The following CAMTA1 variants were observed in gnomAD, a reference collection of about 807,000 sequenced individuals.
The protein encoded by CAMTA1 is calmodulin binding transcription activator 1.
In CAMTA1, 27 loss-of-function variants were observed where a neutral mutation model predicts 170.9. The observed-to-expected ratio is 0.16, with a 90% CI of 0.12 to 0.22. The LOEUF is 0.22. CAMTA1 is among the 10% of genes least tolerant of loss of function. The probability of loss-of-function intolerance (pLI) is 1.00; values close to 1 mark genes in which losing one functional copy is unlikely to be tolerated. For missense variants in CAMTA1, 1,619 were observed against 2,217.2 expected (o/e 0.73, Z 5.42); for synonymous variants, 833 against 891.5 (o/e 0.93, Z 1.17).
At chr1:7,466,060 A>T (rs932790571) in intron 5 of CAMTA1, among the ~76,000 whole-genome samples, 1 of 152,176 alleles carries the variant, frequency 6.6e-6, no homozygotes, top group Non-Finnish European at 1.5e-5. Context: ...CAAAGTAATG[A>T]ACCTGCCTGT....
intron 21 of CAMTA1, among the ~76,000 whole-genome samples, chr1:7,754,377 G>GA (rs1277083865): frequency 5.9e-5 from 9 of 152,290 alleles, no homozygotes; most frequent in Admixed American, 2.0e-4. Flanking sequence ...CTCAAACTTT[G>GA]AATGAATGTG....
At chr1:7,724,667 C>T (rs1377640489) in intron 11 of CAMTA1, among the ~76,000 whole-genome samples, 1 of 151,802 alleles carries the variant, frequency 6.6e-6, no homozygotes, top group Non-Finnish European at 1.5e-5. Context: ...TCCATCAATA[C>T]AAAAAATTAG....
chr1:7,407,436 C>T (rs2090381845), intron 5 of CAMTA1, among the ~76,000 whole-genome samples: 1 of 152,178 alleles, frequency 6.6e-6, no homozygotes, highest in Admixed American at 6.5e-5. Flanking sequence ...CCTCACTCCT[C>T]ACTCTGAAGT....
chr1:6,909,490 G>C (rs953482295), intron 3 of CAMTA1, among the ~76,000 whole-genome samples: 1 of 152,212 alleles, frequency 6.6e-6, no homozygotes, highest in Non-Finnish European at 1.5e-5. Flanking sequence ...AGGTTGGGGC[G>C]GGGGGCCTCT....
At chr1:7,371,191 G>A (rs1156435453) in intron 5 of CAMTA1, among the ~76,000 whole-genome samples, 16 of 150,680 alleles carry the variant, frequency 1.1e-4, no homozygotes, top group African/African-American at 1.7e-4. Flanking sequence ...GATTACAGGC[G>A]TGAGCCACCG....
chr1:6,862,843 T>C (rs1430219291), intron 3 of CAMTA1, among the ~76,000 whole-genome samples: 4 of 152,224 alleles, frequency 2.6e-5, no homozygotes, highest in Non-Finnish European at 4.4e-5. Context: ...AGCGAGGCTC[T>C]TTTCTTTTCC....
At chr1:6,807,243 T>C (rs900527344) in intron 1 of CAMTA1, among the ~76,000 whole-genome samples, 3 of 152,236 alleles carry the variant, frequency 2.0e-5, no homozygotes, top group African/African-American at 7.2e-5. Flanking sequence ...TGTGTGGAGA[T>C]ACTCTGGTTA....
At chr1:6,927,345 T>C (rs2412219) in intron 3 of CAMTA1, among the ~76,000 whole-genome samples, 101,049 of 152,094 alleles carry the variant, frequency 0.66, 34,010 homozygotes, top group Admixed American at 0.76. Flanking sequence ...CTCAGTGATT[T>C]TTTTTCCTGA....
chr1:7,507,538 G>A (rs1299806476), intron 6 of CAMTA1, among the ~76,000 whole-genome samples: 1 of 152,176 alleles, frequency 6.6e-6, no homozygotes, highest in African/African-American at 2.4e-5. Flanking sequence ...TTATTACCTC[G>A]TGGGCTCAGA....
chr1:7,150,402 G>A (rs1444562376), intron 4 of CAMTA1, among the ~76,000 whole-genome samples: 2 of 152,172 alleles, frequency 1.3e-5, no homozygotes, highest in African/African-American at 2.4e-5. Flanking sequence ...TCAGAGCGGG[G>A]GCAAGCAGAT....
At chr1:7,437,106 G>A (rs1021663223) in intron 5 of CAMTA1, among the ~76,000 whole-genome samples, 1 of 152,092 alleles carries the variant, frequency 6.6e-6, no homozygotes, top group African/African-American at 2.4e-5. Context: ...AGGCCGCAGA[G>A]GAAGAGGAGG....
At chr1:7,598,918 C>T (rs1160060764) in intron 6 of CAMTA1, among the ~76,000 whole-genome samples, 39 of 152,190 alleles carry the variant, frequency 2.6e-4, no homozygotes, top group African/African-American at 8.4e-4. Context: ...TAGTTTCTTT[C>T]GCTGTGCAGA....
chr1:6,841,084 T>G (rs1655482828), intron 3 of CAMTA1, among the ~76,000 whole-genome samples: 1 of 152,168 alleles, frequency 6.6e-6, no homozygotes, highest in South Asian at 2.1e-4. Context: ...TAATGTTCCT[T>G]GGCTTGTGGC....
rs2083133200 is a variant in CAMTA1, at chr1:7,333,090, C to T, written c.438+83464C>T. Among the ~76,000 whole-genome samples the T allele has an allele frequency of 6.6e-6, 1 of 152,200 alleles. No homozygotes were observed. The highest frequency in any genetic ancestry group is 1.5e-5 in the Non-Finnish European group (1 of 68,024). On this transcript the variant is annotated intron_variant, in intron 5 of 22. Coordinates refer to ENST00000303635, the MANE Select transcript of CAMTA1 (RefSeq NM_015215.4). This position sits in a 1 kb window ranked among gnomAD's most constrained non-coding sequence, Gnocchi z 4.4. Reference sequence around the variant, plus strand: ...CCATTTATTGCTGCACCCACTCCAGCGGGCATGAGCAACAGAATCCTCTTT... The same window carrying T: ...CCATTTATTGCTGCACCCACTCCAGTGGGCATGAGCAACAGAATCCTCTTT...
intron 4 of CAMTA1, among the ~76,000 whole-genome samples, chr1:7,186,570 G>A (rs1653316885): frequency 6.6e-6 from 1 of 152,158 alleles, no homozygotes; most frequent in African/African-American, 2.4e-5. Flanking sequence ...CTGGTGACCT[G>A]GGTTCCCATC....
At chr1:7,661,341 G>C (rs2095955423) in intron 7 of CAMTA1, among the ~76,000 whole-genome samples, 1 of 152,208 alleles carries the variant, frequency 6.6e-6, no homozygotes, top group South Asian at 2.1e-4. Flanking sequence ...AAGCTCACAG[G>C]CTGGGAAGTC....
At chr1:7,493,643 TGGGGGGGG>T (rs34756858) in intron 6 of CAMTA1, among the ~76,000 whole-genome samples, 1 of 147,650 alleles carries the variant, frequency 6.8e-6, no homozygotes, top group South Asian at 2.1e-4. Context: ...CCCAGGGAAC[TGGGGGGGG>T]GGGGGGGTCA....
chr1:7,654,683 G>A (rs1318017140), intron 7 of CAMTA1, among the ~76,000 whole-genome samples: 2 of 115,278 alleles, frequency 1.7e-5, no homozygotes, highest in Non-Finnish European at 3.5e-5. Context: ...CACACTCCAT[G>A]CACACAAACA....
At chr1:7,112,553 A>T (rs1186751349) in intron 4 of CAMTA1, among the ~76,000 whole-genome samples, 1 of 152,192 alleles carries the variant, frequency 6.6e-6, no homozygotes, top group Non-Finnish European at 1.5e-5. Context: ...TCTTCCCTTA[A>T]GGGTCTAGCT....
Sources: gnomAD v4.1 joint callset for allele counts (sites outside exome capture counted in the v4.1 genomes callset) on GRCh38, gnomAD v4.1.1 for gene constraint, Gnocchi (gnomAD v3.1) non-coding constraint, MANE v1.5 for transcripts, NCBI Gene and HGNC (gene_info 2026-07-23, HGNC 2026-07-21) for gene names.